The following PLD5 variants were observed in gnomAD, a reference collection of about 807,000 sequenced individuals.
The protein encoded by PLD5 is inactive phospholipase D5.
Under a neutral mutation model 61.1 loss-of-function variants are expected in PLD5, and 36 were observed. The ratio of observed to expected loss-of-function variants is 0.59; its 90% CI spans 0.45 to 0.78. The LOEUF (loss-of-function observed/expected upper bound fraction) is 0.78, where lower values mean the gene tolerates loss of function less well. PLD5 is among the 30% of genes least tolerant of loss of function. The probability of loss-of-function intolerance (pLI) is 0.00; values close to 1 mark genes in which losing one functional copy is unlikely to be tolerated. For synonymous variants in PLD5, 243 were observed against 242.8 expected (o/e 1.00, Z -0.01); for missense variants, 515 against 644.4 (o/e 0.80, Z 2.17).
intron 4 of PLD5, among the ~76,000 whole-genome samples, chr1:242,261,940 A>G (rs1673397121): frequency 6.6e-6 from 1 of 152,212 alleles, no homozygotes; most frequent in Admixed American, 6.5e-5. Context: ...TCGAACACAT[A>G]TATAGCCTAT....
chr1:242,506,644 G>C (rs1426470511), intron 1 of PLD5, among the ~76,000 whole-genome samples: 1 of 152,086 alleles, frequency 6.6e-6, no homozygotes, highest in African/African-American at 2.4e-5. Context: ...CCTCCATAAA[G>C]GAATAGGCCC....
intron 6 of PLD5, among the ~76,000 whole-genome samples, chr1:242,124,259 T>C (rs1054942630): frequency 1.3e-5 from 2 of 152,180 alleles, no homozygotes; most frequent in Non-Finnish European, 2.9e-5. Context: ...TAACTCAAGG[T>C]ATCTGACACA....
chr1:242,459,383 A>T (rs1353013581), intron 1 of PLD5, among the ~76,000 whole-genome samples: 1 of 152,196 alleles, frequency 6.6e-6, no homozygotes, highest in Non-Finnish European at 1.5e-5. Flanking sequence ...GGGGTTATCT[A>T]ATCTTAACCC....
At chr1:242,182,662 G>A (rs1311887506) in intron 5 of PLD5, among the ~76,000 whole-genome samples, 1 of 152,084 alleles carries the variant, frequency 6.6e-6, no homozygotes, top group Non-Finnish European at 1.5e-5. Flanking sequence ...GGCCAACATG[G>A]CGAAAAACCA....
chr1:242,505,643 A>G (rs1190658089), intron 1 of PLD5, among the ~76,000 whole-genome samples: 1 of 152,220 alleles, frequency 6.6e-6, no homozygotes, highest in African/African-American at 2.4e-5. Context: ...GTGATGGACC[A>G]GAGAAAGGGA....
chr1:242,209,798 T>C (rs141461943), intron 5 of PLD5, among the ~76,000 whole-genome samples: 19 of 152,228 alleles, frequency 1.2e-4, no homozygotes, highest in African/African-American at 4.3e-4. Context: ...TGTGGGTTGT[T>C]TGTTGTTCAT....
intron 1 of PLD5, among the ~76,000 whole-genome samples, chr1:242,501,301 A>T (rs766901211): frequency 3.9e-5 from 6 of 152,264 alleles, no homozygotes; most frequent in Non-Finnish European, 8.8e-5. Flanking sequence ...AAGAAATCCC[A>T]GACCAACAAA....
intron 1 of PLD5, among the ~76,000 whole-genome samples, chr1:242,485,008 A>G (rs921828141): frequency 1.3e-3 from 195 of 152,290 alleles, no homozygotes; most frequent in Non-Finnish European, 1.0e-3. Flanking sequence ...AAAATTCAAC[A>G]GCCCTTCATG....
intron 1 of PLD5, among the ~76,000 whole-genome samples, chr1:242,395,691 T>C (rs772887201): frequency 6.6e-6 from 1 of 152,172 alleles, no homozygotes; most frequent in African/African-American, 2.4e-5. Context: ...AGATGCAACC[T>C]GGAACCACAG....
At chr1:242,351,264 A>G (rs1302023408) in intron 1 of PLD5, among the ~76,000 whole-genome samples, 1 of 152,156 alleles carries the variant, frequency 6.6e-6, no homozygotes, top group East Asian at 1.9e-4. Flanking sequence ...CCTAACAAAT[A>G]GAAGGTGTTC....
intron 1 of PLD5, among the ~76,000 whole-genome samples, chr1:242,509,983 C>T (rs1320968797): frequency 6.6e-6 from 1 of 152,210 alleles, no homozygotes; most frequent in Non-Finnish European, 1.5e-5. Context: ...CCTTGGAGCA[C>T]TGGATTTTTG....
At chr1:242,257,564 A>T (rs1439414926) in intron 4 of PLD5, among the ~76,000 whole-genome samples, 1 of 152,232 alleles carries the variant, frequency 6.6e-6, no homozygotes, top group South Asian at 2.1e-4. Flanking sequence ...CAACATGGTG[A>T]TAACAGTTAA....
intron 1 of PLD5, among the ~76,000 whole-genome samples, chr1:242,516,853 A>G (rs1669120657): frequency 6.6e-6 from 1 of 152,144 alleles, no homozygotes; most frequent in African/African-American, 2.4e-5. Context: ...CACACACACA[A>G]ACTTGTTGAC....
chr1:242,432,634 C>T (rs1346032840), intron 1 of PLD5, among the ~76,000 whole-genome samples: 3 of 152,110 alleles, frequency 2.0e-5, no homozygotes, highest in Admixed American at 1.3e-4. Flanking sequence ...CCTCTTTATC[C>T]AAGACAAGCC....
chr1:242,396,668 C>CTTTCTTTTTTTTTTTTTT (rs1479365427), intron 1 of PLD5, among the ~76,000 whole-genome samples: 9 of 125,148 alleles, frequency 7.2e-5, no homozygotes, highest in African/African-American at 2.0e-4. Flanking sequence ...TCTTTCTTTT[C>CTTTCTTTTTTTTTTTTTT]TTTTCTTTTT....
intron 1 of PLD5, among the ~76,000 whole-genome samples, chr1:242,510,859 T>C (rs1328200704): frequency 1.3e-5 from 2 of 151,572 alleles, no homozygotes; most frequent in African/African-American, 4.8e-5. Context: ...AAAAAAAAAG[T>C]TCAAATGAAG....
chr1:242,336,457 C>T (rs1282914647), intron 2 of PLD5, among the ~76,000 whole-genome samples: 1 of 152,266 alleles, frequency 6.6e-6, no homozygotes, highest in African/African-American at 2.4e-5. Flanking sequence ...ATATCATATT[C>T]ATACAATGAG....
chr1:242,318,008 A>T (rs1658127582), intron 2 of PLD5, among the ~76,000 whole-genome samples: 1 of 152,190 alleles, frequency 6.6e-6, no homozygotes, highest in South Asian at 2.1e-4. Context: ...AGGAGGCATA[A>T]AAAAGCTTTG....
chr1:242,193,766 CCAA>C (rs1668430246), intron 5 of PLD5, among the ~76,000 whole-genome samples: 6 of 152,264 alleles, frequency 3.9e-5, no homozygotes, highest in Admixed American at 2.6e-4. Flanking sequence ...GATCTCAGCC[CCAA>C]ATCTGTGACC....
Sources: allele counts gnomAD v4.1 joint callset (sites outside exome capture counted in the v4.1 genomes callset), GRCh38; gene constraint gnomAD v4.1.1; transcripts MANE v1.5; gene names NCBI Gene and HGNC (gene_info 2026-07-23, HGNC 2026-07-21).